Variants in DCPS observed in about 807,000 individuals in gnomAD.
DCPS encodes the protein decapping enzyme, scavenger, also known as m7GpppX diphosphatase.
In DCPS, 27 loss-of-function variants were observed where a neutral mutation model predicts 34.7. The ratio of observed to expected loss-of-function variants is 0.78; its 90% CI spans 0.57 to 1.07. DCPS has a LOEUF of 1.07. Among genes scored for constraint, DCPS ranks in the 50% least tolerant of loss-of-function variants. The probability of loss-of-function intolerance (pLI) is 0.00; values close to 1 mark genes in which losing one functional copy is unlikely to be tolerated. For missense variants in DCPS, 464 were observed against 436.9 expected (o/e 1.06, Z -0.55); for synonymous variants, 185 against 185.7 (o/e 1.00, Z 0.03).
rs1439455044 is a variant in DCPS, at chr11:126,304,222, A to G, written c.142A>G (p.Arg48Gly). 3.7e-6 allele frequency: 6 copies of G among 1,614,146 alleles called. No homozygotes were observed. Among genetic ancestry groups the G allele is most frequent in the Non-Finnish European group, 4.2e-6 (5 of 1,180,056 alleles). Residue 48 changes from arginine (R) to glycine (G), a missense_variant, in exon 1 of 6, where the codon AGA becomes GGA. Coordinates refer to ENST00000263579, the MANE Select transcript of DCPS (RefSeq NM_014026.6). ...TGTCCGCTTACCGTTCTCCGGCTTC[A>G]GACTGCAGAAGGTGCTGAGGGAGTC... ...APVRLPFSGF[R>G]LQKVLRESAR...
chr11:126,347,040 C>T lies in DCPS; in HGVS notation c.*1427C>T, dbSNP rs1951937828. 6.6e-6 allele frequency among the ~76,000 whole-genome samples: 1 copy of T among 151,730 alleles called. No individual in the cohort carries two copies. The highest frequency in any genetic ancestry group is 2.4e-5 in the African/African-American group (1 of 41,292). ...GGGAGGCGGAGGTTGCCGTGAGCCA[C>T]CGCACTTTGGCCTGGGTGACAGAGC... On this transcript the variant is annotated 3_prime_UTR_variant, in exon 6 of 6. Coordinates refer to ENST00000263579, the MANE Select transcript of DCPS (RefSeq NM_014026.6). This position sits in a 1 kb window ranked among gnomAD's most constrained non-coding sequence, Gnocchi z 4.2.
intron 2 of DCPS, among the ~76,000 whole-genome samples, chr11:126,318,029 A>C (rs1259146603): frequency 1.3e-5 from 2 of 152,078 alleles, no homozygotes; most frequent in Non-Finnish European, 2.9e-5. Context: ...GAGTTTTGCC[A>C]TCCGGTCCTG....
At chr11:126,341,852 CT>C (rs1165993251) in intron 4 of DCPS, 7 of 152,268 alleles carry the variant, frequency 4.6e-5, no homozygotes, top group African/African-American at 9.6e-5. Flanking sequence ...ACACGTGGAG[CT>C]TCCTGTGGGC....
In DCPS at chr11:126,338,347, A is replaced by T. The variant is rs1464246328; in HGVS notation, c.584A>T (p.Asp195Val). 4 of 1,614,168 alleles carry T rather than the reference A, an allele frequency of 2.5e-6. No homozygotes were observed. In the Admixed American group the frequency reaches 5.0e-5, roughly 20 times the overall value. ...GACCGGATTGTTTTCGAGAACCCAG[A>T]TCCCTCTGATGGTTTTGTCCTCATC... ...EADRIVFENPDPSDGFVLIPD... is the reference protein window; with the variant it reads ...EADRIVFENPVPSDGFVLIPD... Residue 195 changes from aspartate to valine, a missense_variant, in exon 4 of 6, where the codon GAT (aspartate) becomes GTT (valine). Asp to Val is a radical substitution (Grantham distance 152). Coordinates refer to ENST00000263579, the MANE Select transcript of DCPS (RefSeq NM_014026.6). This position sits in a 1 kb window ranked among gnomAD's most constrained non-coding sequence, Gnocchi z 5.4.
At position 126,342,732 on chromosome 11, in the gene DCPS, T is replaced by C. The variant is rs1951884798; in HGVS notation, c.637-575T>C. ...ACTCTCGGAGGGAGAGAGTTGCCCT[T>C]GCTCTTTCTTGAACCTCCTGGCTCC... On this transcript the variant is annotated intron_variant, in intron 4 of 5. Transcript: ENST00000263579. This position sits in a 1 kb window ranked among gnomAD's most constrained non-coding sequence, Gnocchi z 4.4. Among the ~76,000 whole-genome samples, 1 of 152,122 alleles carries C rather than the reference T, an allele frequency of 6.6e-6. No homozygotes were observed. The highest frequency in any genetic ancestry group is 2.4e-5 in the African/African-American group (1 of 41,420).
At position 126,338,217 on chromosome 11, in the gene DCPS, C is replaced by G; in HGVS notation, c.523-69C>G. 6.8e-7 allele frequency: 1 copy of G among 1,472,944 alleles called. No homozygotes were observed. The highest frequency in any genetic ancestry group is 1.2e-5 in the South Asian group (1 of 86,210). The allele number at this position is 1,472,944 out of a possible 1,614,324, so 91.2% of individuals were successfully genotyped here. Reference sequence around the variant, plus strand: ...TGGAGAGGCCAGGGAATGCCCTGAGCTCAGTTTGGGGTATCTCTCAAGGGG... The same window carrying G: ...TGGAGAGGCCAGGGAATGCCCTGAGGTCAGTTTGGGGTATCTCTCAAGGGG... On this transcript the variant is annotated intron_variant, in intron 3 of 5. Coordinates refer to ENST00000263579, the MANE Select transcript of DCPS (RefSeq NM_014026.6). The surrounding 1 kb of genome is among the most constrained non-coding windows in gnomAD (Gnocchi z 5.4).
chr11:126,305,590 T>C (rs1951557477), intron 1 of DCPS, among the ~76,000 whole-genome samples: 1 of 150,790 alleles, frequency 6.6e-6, no homozygotes. Flanking sequence ...CCAGCTAATT[T>C]TCGTATTTTT....
At chr11:126,306,423 C>T (rs1951566310) in intron 1 of DCPS, 147 bp from the exon 2 acceptor site, 2 of 766,516 alleles carry the variant, frequency 2.6e-6, no homozygotes. Flanking sequence ...ATGTGAGTGC[C>T]ATTGGCTAGA....
chr11:126,345,516 A>T lies in DCPS; in HGVS notation c.917A>T (p.Glu306Val). The T allele has an allele frequency of 6.2e-7, 1 of 1,614,022 alleles. No homozygotes were observed. The highest frequency in any genetic ancestry group is 8.5e-7 in the Non-Finnish European group (1 of 1,180,014). The change falls in exon 6 of 6, where the codon GAG (glutamate) becomes GTG (valine). Residue 306 changes from glutamate (E) to valine (V), a missense_variant. Physicochemically the swap from Glu to Val is moderately radical, Grantham distance 121. Transcript: ENST00000263579. The surrounding 1 kb of genome is among the most constrained non-coding windows in gnomAD (Gnocchi z 7.4). ...CTGGCTGAGGTGATCGAGAACTTGG[A>T]GTGTGACCCTAGGCACTACCAGCAG... The part of the protein sequence containing the change: ...HLLAEVIENL[E>V]CDPRHYQQRT...
intron 1 of DCPS, among the ~76,000 whole-genome samples, chr11:126,305,736 T>TTTTG (rs370953461): frequency 1.4e-4 from 21 of 152,212 alleles, no homozygotes; most frequent in South Asian, 4.1e-4. Context: ...TTTTGTTGTT[T>TTTTG]TTTGTTTGTT....
rs144910064 is a variant in DCPS, at chr11:126,328,880, C to T, written c.377-2525C>T. 5.3e-5 allele frequency among the ~76,000 whole-genome samples: 8 copies of T among 152,308 alleles called. No individual in the cohort carries two copies. Among genetic ancestry groups the T allele is most frequent in the Non-Finnish European group, 1.2e-4 (8 of 68,020 alleles). On this transcript the variant is annotated intron_variant, in intron 2 of 5. Coordinates refer to ENST00000263579, the MANE Select transcript of DCPS (RefSeq NM_014026.6). The surrounding 1 kb of genome is among the most constrained non-coding windows in gnomAD (Gnocchi z 6.6). ...CTGACTCGTTTAATTCTCCCAACAG[C>T]CCTGGAAGGTAGGTGCTGTTATTGT... is the stretch of plus-strand genomic sequence containing the variant.
intron 2 of DCPS, among the ~76,000 whole-genome samples, chr11:126,330,688 CATATATATATATATATATAT>C (rs766232318): frequency 6.3e-5 from 2 of 31,588 alleles, no homozygotes; most frequent in Non-Finnish European, 1.0e-4. Context: ...GGCTTTAAAC[CATATATATATATATATATAT>C]ATATATATAT....
chr11:126,328,293 C>T lies in DCPS; in HGVS notation c.377-3112C>T, dbSNP rs1951755464. ...GCAGGGGACAGTTTGAGGGTGGCAG[C>T]TCCCACCTCAGTGTGGCCCTGACTG... On this transcript the variant is annotated intron_variant, in intron 2 of 5. Coordinates refer to ENST00000263579, the MANE Select transcript of DCPS (RefSeq NM_014026.6). The surrounding 1 kb of genome is among the most constrained non-coding windows in gnomAD (Gnocchi z 6.6). Among the ~76,000 whole-genome samples the T allele has an allele frequency of 2.6e-5, 4 of 152,100 alleles. No homozygotes were observed. The highest frequency in any genetic ancestry group is 2.6e-4 in the Admixed American group (4 of 15,266).
rs562212445 is a variant in DCPS at position 126,348,059 on chromosome 11, G to T, written c.*2446G>T. 6.6e-6 allele frequency among the ~76,000 whole-genome samples: 1 copy of T among 152,052 alleles called. No homozygotes were observed. Among genetic ancestry groups the T allele is most frequent in the Non-Finnish European group, 1.5e-5 (1 of 68,018 alleles). Reference sequence around the variant, plus strand: ...CATCTCGTAGCGCCTGGCCCCTGGAGGAAGGTGGGTAGGAATTTGACACCG... The same window carrying T: ...CATCTCGTAGCGCCTGGCCCCTGGATGAAGGTGGGTAGGAATTTGACACCG... On this transcript the variant is annotated 3_prime_UTR_variant, in exon 6 of 6. Coordinates refer to ENST00000263579, the MANE Select transcript of DCPS (RefSeq NM_014026.6). This position sits in a 1 kb window ranked among gnomAD's most constrained non-coding sequence, Gnocchi z 5.3.
rs1401133429 is a variant in DCPS, at chr11:126,322,133, G to A, written c.377-9272G>A. ...TCAGCAATTACCTAGCACAATGGAT[G>A]AAGATAAAACCACTTTGAGATCCAA... is the stretch of plus-strand genomic sequence containing the variant. On this transcript the variant is annotated intron_variant, in intron 2 of 5. Coordinates refer to ENST00000263579, the MANE Select transcript of DCPS (RefSeq NM_014026.6). The surrounding 1 kb of genome is among the most constrained non-coding windows in gnomAD (Gnocchi z 4.2). 6.6e-6 allele frequency among the ~76,000 whole-genome samples: 1 copy of A among 152,202 alleles called. No individual in the cohort carries two copies. Among genetic ancestry groups the A allele is most frequent in the East Asian group, 1.9e-4 (1 of 5,202 alleles).
intron 2 of DCPS, among the ~76,000 whole-genome samples, chr11:126,317,761 C>T (rs145771472): frequency 2.0e-5 from 3 of 152,218 alleles, no homozygotes; most frequent in Admixed American, 1.3e-4. Flanking sequence ...TCAACCCCAG[C>T]ATAGTTTCTT....
chr11:126,324,513 G>C (rs1951727207), intron 2 of DCPS, among the ~76,000 whole-genome samples: 1 of 151,528 alleles, frequency 6.6e-6, no homozygotes, highest in South Asian at 2.1e-4. Context: ...GGAGTGCAGT[G>C]GCGAGATCTG....
chr11:126,345,577 C>G lies in DCPS; in HGVS notation c.978C>G (p.Pro326=). The G allele has an allele frequency of 6.2e-7, 1 of 1,613,680 alleles. No homozygotes were observed. The highest frequency in any genetic ancestry group is 8.5e-7 in the Non-Finnish European group (1 of 1,180,020). The change falls in exon 6 of 6, where the codon CCC becomes CCG. Residue 326 remains proline (P), a synonymous_variant. Coordinates refer to ENST00000263579, the MANE Select transcript of DCPS (RefSeq NM_014026.6). The surrounding 1 kb of genome is among the most constrained non-coding windows in gnomAD (Gnocchi z 7.4). The part of the protein sequence containing the change: ...TLTFALRADD[P]LLKLLQEAQQ... ...CCTTCGCCCTCAGGGCTGACGACCCCCTGCTCAAGCTCTTGCAGGAGGCTC... is the reference window on the plus strand; with the variant it reads ...CCTTCGCCCTCAGGGCTGACGACCCGCTGCTCAAGCTCTTGCAGGAGGCTC...
chr11:126,329,570 T>C lies in DCPS; in HGVS notation c.377-1835T>C, dbSNP rs1951766122. On this transcript the variant is annotated intron_variant, in intron 2 of 5. Transcript: ENST00000263579. The surrounding 1 kb of genome is among the most constrained non-coding windows in gnomAD (Gnocchi z 5.0). ...TGGGACAGAAGCCACGTGCCTGGTATGTCATCTCTGTGCATCCCCACTGGG... is the reference window on the plus strand; with the variant it reads ...TGGGACAGAAGCCACGTGCCTGGTACGTCATCTCTGTGCATCCCCACTGGG... Among the ~76,000 whole-genome samples the C allele has an allele frequency of 1.3e-5, 2 of 152,228 alleles. No individual in the cohort carries two copies. The highest frequency in any genetic ancestry group is 2.4e-5 in the African/African-American group (1 of 41,464).
Sources: gnomAD v4.1 joint callset for allele counts (sites outside exome capture counted in the v4.1 genomes callset) on GRCh38, gnomAD v4.1.1 for gene constraint, Gnocchi (gnomAD v3.1) non-coding constraint, MANE v1.5 for transcripts, NCBI Gene and HGNC (gene_info 2026-07-23, HGNC 2026-07-21) for gene names.